SOD2: variants seen among roughly 807,000 people sequenced by gnomAD.
SOD2 encodes the protein superoxide dismutase [Mn], mitochondrial.
SOD2 carries 11 observed loss-of-function variants against 27.0 expected under a neutral mutation model. The observed-to-expected ratio is 0.41, with a 90% CI of 0.26 to 0.67. The LOEUF (loss-of-function observed/expected upper bound fraction) is 0.67. Ranked by LOEUF, SOD2 falls within the 30% of genes least tolerant of loss-of-function variation. The pLI is 0.34. For missense variants in SOD2, 250 were observed against 274.5 expected (o/e 0.91, Z 0.63); for synonymous variants, 105 against 103.0 (o/e 1.02, Z -0.12).
intron 1 of SOD2, chr6:159,727,038 C>G (rs1035960474): frequency 1.6e-6 from 2 of 1,226,522 alleles, no homozygotes; most frequent in Non-Finnish European, 2.1e-6. Flanking sequence ...CAGGTGGCCC[C>G]GGCGAGTACT....
At chr6:159,687,212 G>A (rs1208628016) in intron 3 of SOD2, among the ~76,000 whole-genome samples, 6 of 152,106 alleles carry the variant, frequency 3.9e-5, no homozygotes, top group South Asian at 2.1e-4. Flanking sequence ...CTAGACTGGC[G>A]CGGTGGCTCA....
chr6:159,687,477 C>A (rs556806078), intron 3 of SOD2, among the ~76,000 whole-genome samples: 1 of 122,112 alleles, frequency 8.2e-6, no homozygotes, highest in Non-Finnish European at 1.9e-5. Context: ...TGTAAGACTC[C>A]GTCTCAAAAA....
intron 1 of SOD2, chr6:159,713,209 G>T (rs1386924382): frequency 6.3e-6 from 6 of 957,924 alleles, no homozygotes; most frequent in Non-Finnish European, 7.9e-6. Flanking sequence ...AGTAATTGCG[G>T]TCTTTTCCAA....
chr6:159,754,957 G>C (rs756435341), intron 1 of SOD2: 50 of 1,422,456 alleles, frequency 3.5e-5, no homozygotes, highest in Non-Finnish European at 4.6e-5. Flanking sequence ...CTTGCTTTGT[G>C]GCAGGCACTA....
intron 1 of SOD2, among the ~76,000 whole-genome samples, chr6:159,712,500 A>G (rs1307961177): frequency 1.1e-5 from 1 of 95,024 alleles, no homozygotes; most frequent in African/African-American, 3.6e-5. Context: ...TCTGACCTCC[A>G]TAACCACCTC....
chr6:159,712,869 G>A, intron 1 of SOD2: 1 of 635,254 alleles, frequency 1.6e-6, no homozygotes, highest in South Asian at 1.5e-5. Context: ...TTCAAGAAAA[G>A]TTCTACATAG....
intron 1 of SOD2, chr6:159,742,126 G>A (rs781599173): frequency 1.9e-6 from 3 of 1,607,680 alleles, no homozygotes; most frequent in Non-Finnish European, 2.5e-6. Context: ...GCTTTGGAGG[G>A]CAAGTACACA....
intron 1 of SOD2, chr6:159,713,224 A>T (rs555937550): frequency 2.4e-6 from 2 of 827,968 alleles, no homozygotes; most frequent in Admixed American, 4.6e-5. Context: ...TTCCAAATCT[A>T]TCAGACCTAA....
At chr6:159,719,756 T>C (rs1041750913) in intron 1 of SOD2, among the ~76,000 whole-genome samples, 6 of 150,410 alleles carry the variant, frequency 4.0e-5, no homozygotes, top group Non-Finnish European at 8.9e-5. Flanking sequence ...GAGAGTCTTA[T>C]TCTGTCCCCC....
intron 1 of SOD2, among the ~76,000 whole-genome samples, chr6:159,721,224 C>T (rs1228234626): frequency 2.0e-5 from 3 of 151,292 alleles, no homozygotes; most frequent in Non-Finnish European, 4.4e-5. Context: ...ACCACCACCA[C>T]GCCTGGCTAA....
At chr6:159,743,365 A>G (rs1404603938) in intron 1 of SOD2, among the ~76,000 whole-genome samples, 1 of 152,254 alleles carries the variant, frequency 6.6e-6, no homozygotes, top group Non-Finnish European at 1.5e-5. Context: ...TATATTAAAT[A>G]GGTTAAAACA....
rs574990645 is a variant in SOD2 at position 159,678,925 on chromosome 6, T to G, written c.*3568A>C. Reference sequence around the variant, plus strand: ...AAAAACACTTTGGTTTTGTCGTATATCCCTAATACTATGCTTTTAGGTTAT... The same window carrying G: ...AAAAACACTTTGGTTTTGTCGTATAGCCCTAATACTATGCTTTTAGGTTAT... On this transcript the variant is annotated 3_prime_UTR_variant, in exon 5 of 5. Coordinates refer to ENST00000538183, the MANE Select transcript of SOD2 (RefSeq NM_000636.4). 1 of 152,226 alleles carries G rather than the reference T, an allele frequency of 6.6e-6. No homozygotes were observed. The highest frequency in any genetic ancestry group is 1.5e-5 in the Non-Finnish European group (1 of 68,038). The allele number at this position is 152,226 out of a possible 1,614,324, so 9.4% of individuals were successfully genotyped here.
At chr6:159,727,368 G>A (rs1247023140), upstream of SOD2, 2 of 1,216,142 alleles carry the variant, frequency 1.6e-6, no homozygotes, top group Admixed American at 2.7e-5. Context: ...GGCGGAGCGG[G>A]GAGGCTGGCG....
intron 1 of SOD2, among the ~76,000 whole-genome samples, chr6:159,735,989 C>T (rs1291857774): frequency 6.6e-6 from 1 of 151,862 alleles, no homozygotes; most frequent in Non-Finnish European, 1.5e-5. Context: ...AGCTTTTTTA[C>T]GAGGGAATTT....
rs1184269127 is a variant in SOD2, at chr6:159,692,717, G to C, written c.170C>G (p.Ala57Gly). ...GGTGACGTTCAGGTTGTTCACGTAG[G>C]CCGCGTGGTGCTTGCTGTGGTGCAG... Reference protein sequence around the residue: ...MQLHHSKHHAAYVNNLNVTEE... With the variant: ...MQLHHSKHHAGYVNNLNVTEE... Residue 57 changes from alanine to glycine, a missense_variant, in exon 2 of 5, where the codon GCC (alanine) becomes GGC (glycine). Coordinates refer to ENST00000538183, the MANE Select transcript of SOD2 (RefSeq NM_000636.4). The C allele has an allele frequency of 7.4e-6, 12 of 1,614,014 alleles. No homozygotes were observed. The highest frequency in any genetic ancestry group is 1.0e-5 in the Non-Finnish European group (12 of 1,180,042).
chr6:159,692,380 A>G, intron 2 of SOD2: 2 of 1,326,462 alleles, frequency 1.5e-6, no homozygotes, highest in South Asian at 4.6e-5. Flanking sequence ...CAGTGCTGGC[A>G]ATATGTGTAA....
chr6:159,675,184 A>G lies in SOD2; in HGVS notation c.*7309T>C, dbSNP rs772284945. On this transcript the variant is annotated 3_prime_UTR_variant, in exon 5 of 5. Coordinates refer to ENST00000538183, the MANE Select transcript of SOD2 (RefSeq NM_000636.4). ...ATGGCTATACTGCCCAAGGTAATTT[A>G]TAGATTCAATGCCATCCCCATCAAG... is the stretch of plus-strand genomic sequence containing the variant. 1 of 152,224 alleles carries G rather than the reference A, an allele frequency of 6.6e-6. No individual in the cohort carries two copies. Among genetic ancestry groups the G allele is most frequent in the Admixed American group, 6.5e-5 (1 of 15,280 alleles). The allele number at this position is 152,224 out of a possible 1,614,324, so 9.4% of individuals were successfully genotyped here.
chr6:159,717,270 A>T (rs1244250431), intron 1 of SOD2, among the ~76,000 whole-genome samples: 4 of 151,828 alleles, frequency 2.6e-5, no homozygotes, highest in Non-Finnish European at 5.9e-5. Flanking sequence ...CTCTATCTTT[A>T]TTTTTTTACT....
At position 159,761,982 on chromosome 6, in the gene SOD2, G is replaced by A. The variant is rs745340571; in HGVS notation, c.-1281C>T. The A allele has an allele frequency of 1.1e-5, 14 of 1,316,050 alleles. No individual in the cohort carries two copies. The Admixed American group carries it at 1.7e-4, about 16-fold the overall frequency. 81.5% of individuals were successfully genotyped at this position (1,316,050 alleles called of 1,614,324 possible). A position where few individuals can be genotyped will look rare whatever the true frequency, so the allele number is the denominator to read the frequency against. ...GGTGCGCGGGGAGGTGGAGGGCGAGGGGCGGGGCTACCTCAGGTCCCGCCC... is the reference window on the plus strand; with the variant it reads ...GGTGCGCGGGGAGGTGGAGGGCGAGAGGCGGGGCTACCTCAGGTCCCGCCC... On this transcript the variant is annotated 5_prime_UTR_variant, in exon 1 of 8. Transcript: ENST00000546087.
Sources: allele counts gnomAD v4.1 joint callset (sites outside exome capture counted in the v4.1 genomes callset), GRCh38; gene constraint gnomAD v4.1.1; transcripts MANE v1.5; gene names NCBI Gene and HGNC (gene_info 2026-07-23, HGNC 2026-07-21).